The following CPNE6 variants were observed in gnomAD, a reference collection of about 807,000 sequenced individuals.
CPNE6 encodes the protein copine 6, also known as copine-6.
A neutral mutation model predicts 71.5 loss-of-function variants in CPNE6; 33 were observed. The observed-to-expected ratio is 0.46, with a 90% CI of 0.35 to 0.62. The LOEUF (loss-of-function observed/expected upper bound fraction) is 0.62. Among genes scored for constraint, CPNE6 ranks in the 20% least tolerant of loss-of-function variants. The probability of loss-of-function intolerance (pLI) is 0.00; values close to 1 mark genes in which losing one functional copy is unlikely to be tolerated. For missense variants in CPNE6, 576 were observed against 747.3 expected (o/e 0.77, Z 2.67); for synonymous variants, 296 against 293.0 (o/e 1.01, Z -0.10).
rs367671291 is a variant in CPNE6, at chr14:24,073,044, A to G, written c.108A>G (p.Thr36=). ...GCCATGGCCTCCTGGACCGGGACAC[A>G]CTCACCAAACCCCACCCCTGCGTGC... The change falls in exon 3 of 18, where the codon ACA becomes ACG. Residue 36 remains threonine (T), a synonymous_variant. Coordinates refer to ENST00000397016, the Ensembl canonical transcript of CPNE6. The surrounding 1 kb of genome is among the most constrained non-coding windows in gnomAD (Gnocchi z 5.5). 5 of 1,567,570 alleles carry G rather than the reference A, an allele frequency of 3.2e-6. No individual in the cohort carries two copies. The highest frequency in any genetic ancestry group is 1.4e-5 in the African/African-American group (1 of 72,056).
chr14:24,076,212 A>G, exon 12 of CPNE6: 1 of 1,614,144 alleles, frequency 6.2e-7, no homozygotes. Flanking sequence ...GCACTGCCTC[A>G]GTCCCCGACA....
chr14:24,071,500 C>CGCCG, intron 1 of CPNE6, 62 bp from the exon 1 acceptor site: 3 of 1,476,302 alleles, frequency 2.0e-6, no homozygotes, highest in Non-Finnish European at 2.7e-6. Flanking sequence ...GCTGGTGCTG[C>CGCCG]GCCCCCCCCC....
chr14:24,071,501 G>GGGGGGCCCCCCC, intron 1 of CPNE6, 61 bp from the exon 1 acceptor site: 3 of 1,416,700 alleles, frequency 2.1e-6, no homozygotes, highest in Non-Finnish European at 2.8e-6. Flanking sequence ...CTGGTGCTGC[G>GGGGGGCCCCCCC]CCCCCCCCCA....
In CPNE6 at chr14:24,073,079, T is replaced by C; in HGVS notation, c.143T>C (p.Leu48Pro). Reference sequence around the variant, plus strand: ...CCCCACCCCTGCGTGCTGCTCAAGCTCTACTCTGATGAGCAGTGGGTGGAG... The same window carrying C: ...CCCCACCCCTGCGTGCTGCTCAAGCCCTACTCTGATGAGCAGTGGGTGGAG... Residue 48 changes from leucine (L) to proline (P), a missense_variant, in exon 3 of 18, where the codon CTC becomes CCC. Around this residue, in one of 4 missense-constraint regions of CPNE6, gnomAD observed 89 missense variants for 80.4 expected, o/e 1.11. Transcript: ENST00000397016. This position sits in a 1 kb window ranked among gnomAD's most constrained non-coding sequence, Gnocchi z 5.5. The C allele has an allele frequency of 6.7e-7, 1 of 1,499,772 alleles. No homozygotes were observed. The highest frequency in any genetic ancestry group is 8.9e-7 in the Non-Finnish European group (1 of 1,125,440). 92.9% of individuals were successfully genotyped at this position (1,499,772 alleles called of 1,614,324 possible).
In CPNE6 at chr14:24,076,548, G is replaced by C; in HGVS notation, c.1156G>C (p.Glu386Gln). The change falls in exon 14 of 18, where the codon GAA becomes CAA. Residue 386 changes from glutamate (E) to glutamine (Q), a missense_variant. Glu to Gln is a conservative substitution (Grantham distance 29). Transcript: ENST00000397016. Reference sequence around the variant, plus strand: ...TATCAACTTTGACCCGGAAAATCCTGAATGTGAAGGTAAAAGGGGAGATTT... The same window carrying C: ...TATCAACTTTGACCCGGAAAATCCTCAATGTGAAGGTAAAAGGGGAGATTT... The C allele has an allele frequency of 6.2e-7, 1 of 1,614,134 alleles. No individual in the cohort carries two copies. Among genetic ancestry groups the C allele is most frequent in the Non-Finnish European group, 8.5e-7 (1 of 1,180,000 alleles).
rs961582867 is a variant in CPNE6 at position 24,077,922 on chromosome 14, A to G, written c.*72A>G. Reference sequence around the variant, plus strand: ...CTGACCCTCGTGACTCCAGTGACCAATGCCTCCACCTCTTGGACCAGGTGT... The same window carrying G: ...CTGACCCTCGTGACTCCAGTGACCAGTGCCTCCACCTCTTGGACCAGGTGT... On this transcript the variant is annotated 3_prime_UTR_variant, in exon 18 of 18. Coordinates refer to ENST00000397016, the Ensembl canonical transcript of CPNE6. This position sits in a 1 kb window ranked among gnomAD's most constrained non-coding sequence, Gnocchi z 6.1. 1.1e-5 allele frequency: 6 copies of G among 522,608 alleles called. No homozygotes were observed. Among genetic ancestry groups the G allele is most frequent in the Non-Finnish European group, 1.9e-5 (6 of 316,074 alleles). 32.4% of individuals were successfully genotyped at this position (522,608 alleles called of 1,614,324 possible).
chr14:24,071,481 G>A lies in CPNE6; in HGVS notation c.-119-46G>A, dbSNP rs763022294. The A allele has an allele frequency of 2.1e-4, 315 of 1,524,414 alleles. 1 individual carries two copies. In the East Asian group the frequency reaches 6.8e-3, roughly 33 times the overall value. The allele number at this position is 1,524,414 out of a possible 1,614,324, so 94.4% of individuals were successfully genotyped here. A position where few individuals can be genotyped will look rare whatever the true frequency, so the allele number is the denominator to read the frequency against. ...CTCTTCTCCCTCCCAATCCATCCAC[G>A]CGGGGGGAGCTGGTGCTGCGCCCCC... is the stretch of plus-strand genomic sequence containing the variant. On this transcript the variant is annotated intron_variant, in intron 1 of 17. Coordinates refer to ENST00000397016, the Ensembl canonical transcript of CPNE6.
At position 24,077,140 on chromosome 14, in the gene CPNE6, C is replaced by T; in HGVS notation, c.1300-14C>T. The T allele has an allele frequency of 6.3e-7, 1 of 1,598,158 alleles. No individual in the cohort carries two copies. The highest frequency in any genetic ancestry group is 8.5e-7 in the Non-Finnish European group (1 of 1,176,652). On this transcript the variant is annotated splice_polypyrimidine_tract_variant and intron_variant, in intron 15 of 17. Transcript: ENST00000397016. This position sits in a 1 kb window ranked among gnomAD's most constrained non-coding sequence, Gnocchi z 6.1. ...CACAAAGCCAACCCTTCCACCCTCT[C>T]TGCTTGCCCTCAGAAGTACTCGGTG...
rs1231179790 is a variant in CPNE6 at position 24,076,565 on chromosome 14, G to A, written c.1165+8G>A. On this transcript the variant is annotated splice_region_variant and intron_variant, in intron 14 of 17. Coordinates refer to ENST00000397016, the Ensembl canonical transcript of CPNE6. ...AAAATCCTGAATGTGAAGGTAAAAG[G>A]GGAGATTTTCACCTGCCCCGCCTCC... 1 of 1,614,048 alleles carries A rather than the reference G, an allele frequency of 6.2e-7. No homozygotes were observed.
At chr14:24,076,323 T>G (rs756746653) in intron 12 of CPNE6, 37 bp from the exon 12 acceptor site, 2 of 1,614,092 alleles carry the variant, frequency 1.2e-6, no homozygotes, top group African/African-American at 2.7e-5. Flanking sequence ...CAGGGAGGCC[T>G]TGCCCAACGG....
intron 11 of CPNE6, 130 bp from the exon 11 acceptor site, chr14:24,076,019 C>CA (rs1299811118): frequency 6.7e-7 from 1 of 1,495,652 alleles, no homozygotes; most frequent in Admixed American, 1.7e-5. Context: ...TATGCACCCC[C>CA]ACATCATTAT....
Position 24,075,104 on chromosome 14 carries a change from C to T in CPNE6, c.673-68C>T. The T allele has an allele frequency of 8.9e-7, 1 of 1,121,108 alleles. No individual in the cohort carries two copies. The highest frequency in any genetic ancestry group is 1.4e-6 in the Non-Finnish European group (1 of 731,478). The allele number at this position is 1,121,108 out of a possible 1,614,324, so 69.4% of individuals were successfully genotyped here. On this transcript the variant is annotated intron_variant, in intron 8 of 17. Coordinates refer to ENST00000397016, the Ensembl canonical transcript of CPNE6. The surrounding 1 kb of genome is among the most constrained non-coding windows in gnomAD (Gnocchi z 4.3). Reference sequence around the variant, plus strand: ...GTCCCCCTACTCCAAGTCCCCGAGTCCCCCTACTCACCGTGAATACCGCAG... The same window carrying T: ...GTCCCCCTACTCCAAGTCCCCGAGTTCCCCTACTCACCGTGAATACCGCAG...
intron 1 of CPNE6, chr14:24,071,164 G>T: frequency 9.3e-7 from 1 of 1,073,298 alleles, no homozygotes; most frequent in Non-Finnish European, 1.3e-6. Context: ...TATCCGCCGG[G>T]GGCTGTAACT....
At position 24,075,443 on chromosome 14, in the gene CPNE6, G is replaced by A; in HGVS notation, c.778-62G>A. ...GGTCTTGCTCTGGGAGGCTCTGCTG[G>A]AAGGGAGAAAGAGGGGTCACCTGAT... is the stretch of plus-strand genomic sequence containing the variant. On this transcript the variant is annotated intron_variant, in intron 9 of 17. Transcript: ENST00000397016. The surrounding 1 kb of genome is among the most constrained non-coding windows in gnomAD (Gnocchi z 4.3). The A allele has an allele frequency of 2.0e-6, 3 of 1,529,702 alleles. No homozygotes were observed. The South Asian group carries it at 3.4e-5, about 17-fold the overall frequency. The allele number at this position is 1,529,702 out of a possible 1,614,324, so 94.8% of individuals were successfully genotyped here.
rs749901627 is a variant in CPNE6, at chr14:24,076,478, C to T, written c.1114-28C>T. On this transcript the variant is annotated intron_variant, in intron 13 of 17. Coordinates refer to ENST00000397016, the Ensembl canonical transcript of CPNE6. The stretch of plus-strand genomic sequence containing the variant: ...TGTCAGTCAGGCAGAAAAGGCAGGC[C>T]CTCACTGCTCCCGCCTTGCCCTCAC... The T allele has an allele frequency of 6.2e-6, 10 of 1,614,040 alleles. No homozygotes were observed. In the African/African-American group the frequency reaches 1.3e-4, roughly 22 times the overall value.
At position 24,074,812 on chromosome 14, in the gene CPNE6, G is replaced by A; in HGVS notation, c.672+17G>A. ...CCTCTCAAGGTGAAGTCCCAGCCAAGCCAGCACAGCCTACTTAGAGCAACC... is the reference window on the plus strand; with the variant it reads ...CCTCTCAAGGTGAAGTCCCAGCCAAACCAGCACAGCCTACTTAGAGCAACC... On this transcript the variant is annotated intron_variant, in intron 8 of 17. Coordinates refer to ENST00000397016, the Ensembl canonical transcript of CPNE6. The surrounding 1 kb of genome is among the most constrained non-coding windows in gnomAD (Gnocchi z 4.5). 2 of 1,604,594 alleles carry A rather than the reference G, an allele frequency of 1.2e-6. No homozygotes were observed. The highest frequency in any genetic ancestry group is 1.7e-6 in the Non-Finnish European group (2 of 1,174,654).
Position 24,075,253 on chromosome 14 carries a change from G to A in CPNE6, c.754G>A (p.Gly252Arg), listed in dbSNP as rs779444184. 2.5e-6 allele frequency: 4 copies of A among 1,614,046 alleles called. No homozygotes were observed. In the East Asian group the frequency reaches 8.9e-5, roughly 36 times the overall value. Residue 252 changes from glycine to arginine, a missense_variant, in exon 9 of 18, where the codon GGG becomes AGG. Gly to Arg is a moderately radical substitution (Grantham distance 125). This residue lies in a region of CPNE6 where 214 missense variants were observed against 291.2 expected (regional missense o/e 0.73). Coordinates refer to ENST00000397016, the Ensembl canonical transcript of CPNE6. This position sits in a 1 kb window ranked among gnomAD's most constrained non-coding sequence, Gnocchi z 4.3. ...CAGCACTTTCCAGGAGATGCAGGAA[G>A]GGACGGCAAACCCTGGGCAGGAGGT...
In CPNE6 at chr14:24,075,080, T is replaced by C; in HGVS notation, c.673-92T>C. 1 of 920,772 alleles carries C rather than the reference T, an allele frequency of 1.1e-6. No homozygotes were observed. Among genetic ancestry groups the C allele is most frequent in the African/African-American group, 1.6e-5 (1 of 61,794 alleles). 57.0% of individuals were successfully genotyped at this position (920,772 alleles called of 1,614,324 possible). A position where few individuals can be genotyped will look rare whatever the true frequency, so the allele number is the denominator to read the frequency against. ...GGGCATGGAGACTCTAAGGCCCAAGTCCCCCTACTCCAAGTCCCCGAGTCC... is the reference window on the plus strand; with the variant it reads ...GGGCATGGAGACTCTAAGGCCCAAGCCCCCCTACTCCAAGTCCCCGAGTCC... On this transcript the variant is annotated intron_variant, in intron 8 of 17. Transcript: ENST00000397016. This position sits in a 1 kb window ranked among gnomAD's most constrained non-coding sequence, Gnocchi z 4.3.
At position 24,077,809 on chromosome 14, in the gene CPNE6, A is replaced by G; in HGVS notation, c.*37+42A>G. The G allele has an allele frequency of 2.1e-6, 3 of 1,417,878 alleles. No homozygotes were observed. In the South Asian group the frequency reaches 4.7e-5, roughly 22 times the overall value. 87.8% of individuals were successfully genotyped at this position (1,417,878 alleles called of 1,614,324 possible). ...CCAAAGGAGTGGACACAGGGGGTGC[A>G]AAGTGGGGCTTGGTAGAGCCCAACT... On this transcript the variant is annotated intron_variant, in intron 17 of 17. Transcript: ENST00000397016. This position sits in a 1 kb window ranked among gnomAD's most constrained non-coding sequence, Gnocchi z 6.1.
Sources: allele counts gnomAD v4.1 joint callset, GRCh38; gene constraint gnomAD v4.1.1; regional missense constraint gnomAD v4.1.1; non-coding constraint Gnocchi (gnomAD v3.1); transcripts MANE v1.5; gene names NCBI Gene and HGNC (gene_info 2026-07-23, HGNC 2026-07-21).